Variants in C9orf43 observed in about 807,000 individuals in gnomAD.
The protein encoded by C9orf43 is chromosome 9 open reading frame 43.
Under a neutral mutation model 59.1 loss-of-function variants are expected in C9orf43, and 45 were observed. That is an observed-to-expected ratio of 0.76 (90% CI 0.60 to 0.98). The LOEUF (loss-of-function observed/expected upper bound fraction) is 0.98, where lower values mean the gene tolerates loss of function less well. Ranked by LOEUF, C9orf43 falls within the 50% of genes least tolerant of loss-of-function variation. C9orf43 has a pLI of 0.00. For synonymous variants in C9orf43, 203 were observed against 196.8 expected, an observed-to-expected ratio of 1.03 and a Z score of -0.26; for missense variants, 533 against 554.9, an observed-to-expected ratio of 0.96 and a Z score of 0.40.
chr9:113,415,572 C>T (rs941250156), intron 3 of C9orf43, among the ~76,000 whole-genome samples: 1 of 152,154 alleles, frequency 6.6e-6, no homozygotes, highest in Non-Finnish European at 1.5e-5. Context: ...GTTAGGATTA[C>T]AGGCGTGAGC....
intron 8 of C9orf43, among the ~76,000 whole-genome samples, chr9:113,424,805 C>T (rs1828720732): frequency 6.6e-6 from 1 of 152,122 alleles, no homozygotes; most frequent in South Asian, 2.1e-4. Context: ...GGATTACAGG[C>T]ATGAGCCACC....
At position 113,425,485 on chromosome 9, in the gene C9orf43, G is replaced by A. The variant is rs555581212; in HGVS notation, c.942+65G>A. ...TCTACAGCCTGGAATGGGAAGGGAT[G>A]TATGAAAGGTGGGGGTCTCCTTGTT... On this transcript the variant is annotated intron_variant, in intron 10 of 13. Coordinates refer to ENST00000374165, the MANE Select transcript of C9orf43 (RefSeq NM_001278629.2). The A allele has an allele frequency of 1.5e-5, 24 of 1,551,336 alleles. No individual in the cohort carries two copies. The Admixed American group carries it at 4.7e-4, about 30-fold the overall frequency.
intron 4 of C9orf43, chr9:113,420,786 C>T (rs1474798417): frequency 1.0e-6 from 1 of 985,280 alleles, no homozygotes; most frequent in East Asian, 1.1e-4. Context: ...GTGGAGTGGG[C>T]AGGATAAGTA....
Position 113,428,172 on chromosome 9 carries a change from C to G in C9orf43, c.1056C>G (p.Asn352Lys). ...LYGYRTLPGQ[N>K]SDMKQQQQME... is the part of the protein sequence containing the mutation. ...GTTACAGAACTCTGCCAGGTCAGAA[C>G]AGTGACATGAAGCAGCAGCAGCAGA... Residue 352 changes from asparagine to lysine, a missense_variant, in exon 12 of 14, where the codon AAC (asparagine) becomes AAG (lysine). By Grantham distance (94) the Asn-to-Lys change is moderately conservative. Coordinates refer to ENST00000374165, the MANE Select transcript of C9orf43 (RefSeq NM_001278629.2). 1 of 1,614,182 alleles carries G rather than the reference C, an allele frequency of 6.2e-7. No homozygotes were observed. Among genetic ancestry groups the G allele is most frequent in the Non-Finnish European group, 8.5e-7 (1 of 1,180,024 alleles).
chr9:113,414,499 G>A (rs1340462666), intron 3 of C9orf43, among the ~76,000 whole-genome samples: 3 of 151,338 alleles, frequency 2.0e-5, no homozygotes, highest in African/African-American at 4.9e-5. Context: ...TGCCTGGGCC[G>A]GTCTTGAACT....
intron 6 of C9orf43, 29 bp downstream of exon 6, chr9:113,422,614 T>C: frequency 6.2e-7 from 1 of 1,612,970 alleles, no homozygotes; most frequent in Non-Finnish European, 8.5e-7. Flanking sequence ...TGCAAACCTT[T>C]ATAATATTGC....
chr9:113,410,773 C>T lies in C9orf43; in HGVS notation c.-278C>T, dbSNP rs760630335. On this transcript the variant is annotated 5_prime_UTR_variant, in exon 1 of 14. Coordinates refer to ENST00000374165, the MANE Select transcript of C9orf43 (RefSeq NM_001278629.2). The stretch of plus-strand genomic sequence containing the variant: ...GGACCCGAGGCAGGCTCTGGGCCCG[C>T]CGGGTCCGTTAATCTCACCGCGCCG... 51 of 220,888 alleles carry T rather than the reference C, an allele frequency of 2.3e-4. No individual in the cohort carries two copies. The highest frequency in any genetic ancestry group is 3.4e-4 in the Non-Finnish European group (42 of 123,484). The allele number at this position is 220,888 out of a possible 1,614,324, so 13.7% of individuals were successfully genotyped here. A position where few individuals can be genotyped will look rare whatever the true frequency, so the allele number is the denominator to read the frequency against.
intron 12 of C9orf43, among the ~76,000 whole-genome samples, chr9:113,428,634 T>A (rs1828876878): frequency 6.6e-6 from 1 of 152,146 alleles, no homozygotes; most frequent in Non-Finnish European, 1.5e-5. Context: ...AGCATGTGCA[T>A]ACCAGAATGG....
intron 7 of C9orf43, among the ~76,000 whole-genome samples, 175 bp from the exon 8 acceptor site, chr9:113,423,991 A>C (rs1215560362): frequency 6.6e-6 from 1 of 152,200 alleles, no homozygotes; most frequent in Non-Finnish European, 1.5e-5. Context: ...GAGTATATGC[A>C]GCTATGATGA....
At chr9:113,413,981 A>G (rs1828268126) in intron 3 of C9orf43, 87 bp downstream of exon 3, 1 of 1,405,540 alleles carries the variant, frequency 7.1e-7, no homozygotes, top group Admixed American at 2.4e-5. Flanking sequence ...TACTTTGAGA[A>G]AGCTAGATTA....
At chr9:113,418,437 T>A (rs1484808591) in intron 3 of C9orf43, among the ~76,000 whole-genome samples, 1 of 152,222 alleles carries the variant, frequency 6.6e-6, no homozygotes, top group Non-Finnish European at 1.5e-5. Context: ...AGTGGATGCC[T>A]GAAACTGTGA....
At position 113,428,882 on chromosome 9, in the gene C9orf43, T is replaced by A; in HGVS notation, c.1108-18T>A. 1 of 1,604,614 alleles carries A rather than the reference T, an allele frequency of 6.2e-7. No individual in the cohort carries two copies. The highest frequency in any genetic ancestry group is 8.5e-7 in the Non-Finnish European group (1 of 1,171,286). ...TAAAGTCTTGATTCAAATTTCCTTA[T>A]ACCCCAATGAATTTCAGGATTCCAC... is the stretch of plus-strand genomic sequence containing the variant. On this transcript the variant is annotated intron_variant, in intron 12 of 13. Transcript: ENST00000374165.
intron 5 of C9orf43, among the ~76,000 whole-genome samples, chr9:113,422,045 A>G (rs1036578132): frequency 3.9e-5 from 6 of 152,144 alleles, no homozygotes; most frequent in African/African-American, 1.4e-4. Flanking sequence ...CTTTTAAGGT[A>G]TAAGTTGGCT....
Position 113,421,262 on chromosome 9 carries a change from G to T in C9orf43, c.446+59G>T, listed in dbSNP as rs546984135. On this transcript the variant is annotated intron_variant, in intron 5 of 13. Coordinates refer to ENST00000374165, the MANE Select transcript of C9orf43 (RefSeq NM_001278629.2). ...ACTCTATAAATCCCTGATGTCTTCT[G>T]CAGCGTCCTTTTTGTGATCTCCCAT... 294 of 1,271,828 alleles carry T rather than the reference G, an allele frequency of 2.3e-4. 1 individual carries two copies. In the South Asian group the frequency reaches 3.3e-3, roughly 14 times the overall value. The allele number at this position is 1,271,828 out of a possible 1,614,324, so 78.8% of individuals were successfully genotyped here.
intron 12 of C9orf43, 62 bp downstream of exon 12, chr9:113,428,285 C>A: frequency 7.0e-7 from 1 of 1,419,844 alleles, no homozygotes; most frequent in Non-Finnish European, 1.0e-6. Context: ...TATGTAACAA[C>A]CCCAAAGCTT....
At chr9:113,420,796 A>G (rs1487280836) in intron 4 of C9orf43, 1 of 985,314 alleles carries the variant, frequency 1.0e-6, no homozygotes, top group South Asian at 4.7e-5. Context: ...CAGGATAAGT[A>G]ATGTTCCTGT....
At chr9:113,420,230 A>G (rs1411946316) in intron 4 of C9orf43, among the ~76,000 whole-genome samples, 1 of 152,130 alleles carries the variant, frequency 6.6e-6, no homozygotes, top group Non-Finnish European at 1.5e-5. Context: ...AGTAACTGAG[A>G]CTACAGGCAC....
At chr9:113,429,062 C>G in intron 13 of C9orf43, 99 bp downstream of exon 13, 1 of 1,479,462 alleles carries the variant, frequency 6.8e-7, no homozygotes, top group South Asian at 1.1e-5. Flanking sequence ...AGGCACAGTT[C>G]CTCTATCTCA....
intron 5 of C9orf43, 94 bp from the exon 6 acceptor site, chr9:113,422,455 C>T (rs2119087766): frequency 2.6e-6 from 4 of 1,515,336 alleles, no homozygotes; most frequent in South Asian, 2.4e-5. Flanking sequence ...CTTGGAGCTT[C>T]TGTTTAAGAT....
Sources: gnomAD v4.1 joint callset for allele counts (sites outside exome capture counted in the v4.1 genomes callset) on GRCh38, gnomAD v4.1.1 for gene constraint, MANE v1.5 for transcripts, NCBI Gene and HGNC (gene_info 2026-07-23, HGNC 2026-07-21) for gene names.